The following TRIO variants were observed in gnomAD, a reference collection of about 807,000 sequenced individuals.
TRIO encodes triple functional domain protein.
TRIO carries 58 observed loss-of-function variants against 351.9 expected under a neutral mutation model. The ratio of observed to expected loss-of-function variants is 0.16; its 90% CI spans 0.13 to 0.21. The LOEUF (loss-of-function observed/expected upper bound fraction) is 0.21. TRIO is among the 10% of genes least tolerant of loss of function. The pLI is 1.00. For synonymous variants in TRIO, 1,758 were observed against 1,595.7 expected, an observed-to-expected ratio of 1.10 and a Z score of -2.42; for missense variants, 3,201 against 4,027.8, an observed-to-expected ratio of 0.79 and a Z score of 5.56.
rs370994987 is a variant in TRIO at position 14,303,152 on chromosome 5, A to G, written c.1369-1309A>G. Among the ~76,000 whole-genome samples, 7 of 141,480 alleles carry G rather than the reference A, an allele frequency of 4.9e-5. No individual in the cohort carries two copies. In the East Asian group the frequency reaches 8.4e-4, roughly 17 times the overall value. 92.8% of individuals were successfully genotyped at this position (141,480 alleles called of 152,430 possible). On this transcript the variant is annotated intron_variant, in intron 7 of 56. Transcript: ENST00000344204. ...TGGAGATGGGGGGTGTCAGTGGAGGAGATTGAGCCAGGGTTGGGATGGCTG... is the reference window on the plus strand; with the variant it reads ...TGGAGATGGGGGGTGTCAGTGGAGGGGATTGAGCCAGGGTTGGGATGGCTG...
intron 2 of TRIO, 31 bp downstream of exon 2, chr5:14,270,930 C>T: frequency 6.6e-7 from 1 of 1,504,352 alleles, no homozygotes. Context: ...CTGCTCTATC[C>T]AACTGCTCTG....
chr5:14,455,553 C>T lies in TRIO; in HGVS notation c.5204-5466C>T, dbSNP rs552744205. On this transcript the variant is annotated intron_variant, in intron 34 of 56. Coordinates refer to ENST00000344204, the MANE Select transcript of TRIO (RefSeq NM_007118.4). Reference sequence around the variant, plus strand: ...AATCCTTTAGCTAGACATAAAAGTTCTCCAAGGCCCCACTAGATTAGCTAG... The same window carrying T: ...AATCCTTTAGCTAGACATAAAAGTTTTCCAAGGCCCCACTAGATTAGCTAG... Among the ~76,000 whole-genome samples, 56 of 149,196 alleles carry T rather than the reference C, an allele frequency of 3.8e-4. 1 individual carries two copies. Among genetic ancestry groups the T allele is most frequent in the Admixed American group, 2.5e-3 (37 of 15,096 alleles).
At chr5:14,251,774 G>T (rs1025341873) in intron 1 of TRIO, among the ~76,000 whole-genome samples, 3 of 152,182 alleles carry the variant, frequency 2.0e-5, no homozygotes, top group Non-Finnish European at 4.4e-5. Context: ...GAGGATGGGG[G>T]TGGCCTAAGT....
intron 34 of TRIO, among the ~76,000 whole-genome samples, chr5:14,430,886 A>G (rs1047953451): frequency 2.6e-5 from 4 of 151,794 alleles, no homozygotes; most frequent in Non-Finnish European, 5.9e-5. Flanking sequence ...TAATTTTTAT[A>G]TTTTAAATGG....
chr5:14,461,548 C>T (rs1328426638), intron 35 of TRIO, among the ~76,000 whole-genome samples: 3 of 152,186 alleles, frequency 2.0e-5, no homozygotes, highest in Non-Finnish European at 4.4e-5. Context: ...AACAAACAAA[C>T]AAACAAAACA....
chr5:14,216,171 A>C (rs1792208263), intron 1 of TRIO, among the ~76,000 whole-genome samples: 1 of 152,186 alleles, frequency 6.6e-6, no homozygotes, highest in African/African-American at 2.4e-5. Context: ...TGATAGTAGC[A>C]AGCCTGCACA....
intron 1 of TRIO, among the ~76,000 whole-genome samples, chr5:14,168,929 A>G (rs1788936668): frequency 1.3e-5 from 2 of 152,234 alleles, no homozygotes; most frequent in South Asian, 4.1e-4. Context: ...GTCTTTGTCC[A>G]CGGGTTGGGA....
rs572334696 is a variant in TRIO, at chr5:14,430,212, A to C, written c.5203+10191A>C. ...TTTTTTTTTTAATTTTTTTACCCAA[A>C]TAGCAAAAAAAAAAAAAAAAAAATT... On this transcript the variant is annotated intron_variant, in intron 34 of 56. Transcript: ENST00000344204. Among the ~76,000 whole-genome samples, 9 of 107,196 alleles carry C rather than the reference A, an allele frequency of 8.4e-5. No individual in the cohort carries two copies. The South Asian group carries it at 1.3e-3, about 15-fold the overall frequency. 70.3% of individuals were successfully genotyped at this position (107,196 alleles called of 152,430 possible).
chr5:14,397,294 C>A, intron 29 of TRIO, 140 bp downstream of exon 29: 1 of 672,542 alleles, frequency 1.5e-6, no homozygotes, highest in Non-Finnish European at 2.5e-6. Flanking sequence ...GAATCAGTGT[C>A]ATTGCTTTTC....
chr5:14,148,765 G>A (rs545120081), intron 1 of TRIO, among the ~76,000 whole-genome samples: 2 of 152,316 alleles, frequency 1.3e-5, no homozygotes, highest in Admixed American at 6.5e-5. Context: ...ACTCAGCTGC[G>A]TAGACTTGGC....
At chr5:14,238,345 C>T (rs1793909316) in intron 1 of TRIO, among the ~76,000 whole-genome samples, 1 of 152,196 alleles carries the variant, frequency 6.6e-6, no homozygotes, top group Non-Finnish European at 1.5e-5. Flanking sequence ...TATTTTAAAA[C>T]ATTTATACTG....
chr5:14,434,810 A>G (rs550814586), intron 34 of TRIO, among the ~76,000 whole-genome samples: 3 of 152,382 alleles, frequency 2.0e-5, no homozygotes, highest in African/African-American at 7.2e-5. Context: ...CACCGACTTA[A>G]TAATTTCCCC....
intron 53 of TRIO, among the ~76,000 whole-genome samples, chr5:14,501,914 C>T (rs1757321435): frequency 2.6e-5 from 4 of 152,178 alleles, no homozygotes; most frequent in Admixed American, 6.5e-5. Context: ...CGTGGGGCTC[C>T]CCCACTTAGT....
rs777659367 is a variant in TRIO at position 14,497,255 on chromosome 5, T to C, written c.8019+238T>C. 6.6e-6 allele frequency among the ~76,000 whole-genome samples: 1 copy of C among 152,206 alleles called. No individual in the cohort carries two copies. Among genetic ancestry groups the C allele is most frequent in the Non-Finnish European group, 1.5e-5 (1 of 68,036 alleles). On this transcript the variant is annotated intron_variant, in intron 50 of 56. Coordinates refer to ENST00000344204, the MANE Select transcript of TRIO (RefSeq NM_007118.4). This position sits in a 1 kb window ranked among gnomAD's most constrained non-coding sequence, Gnocchi z 4.4. Reference sequence around the variant, plus strand: ...CTGCACACTTCCGCAGGTGCACATGTGGCTTCTAAAGAATATGGTTAGGTT... The same window carrying C: ...CTGCACACTTCCGCAGGTGCACATGCGGCTTCTAAAGAATATGGTTAGGTT...
intron 19 of TRIO, among the ~76,000 whole-genome samples, chr5:14,375,145 C>G (rs1313403814): frequency 2.6e-5 from 4 of 152,208 alleles, no homozygotes; most frequent in Non-Finnish European, 4.4e-5. Context: ...TGTTACACCA[C>G]TATAATTCTC....
intron 1 of TRIO, among the ~76,000 whole-genome samples, chr5:14,220,090 A>G (rs1792511081): frequency 6.7e-6 from 1 of 148,818 alleles, no homozygotes; most frequent in Non-Finnish European, 1.5e-5. Context: ...GTTTCTGGCA[A>G]CCCTGTGTTG....
intron 48 of TRIO, among the ~76,000 whole-genome samples, chr5:14,491,080 TGTTTTTAA>T (rs1756448828): frequency 7.1e-6 from 1 of 141,274 alleles, no homozygotes; most frequent in African/African-American, 2.9e-5. Context: ...AGCACCGCCA[TGTTTTTAA>T]GTATGCACCA....
At chr5:14,313,291 T>C (rs1197472370) in intron 8 of TRIO, among the ~76,000 whole-genome samples, 1 of 152,242 alleles carries the variant, frequency 6.6e-6, no homozygotes, top group East Asian at 1.9e-4. Context: ...GTGTATTGAC[T>C]TTCTCAGCAG....
At chr5:14,282,651 C>A (rs1172490981) in intron 3 of TRIO, among the ~76,000 whole-genome samples, 1 of 152,144 alleles carries the variant, frequency 6.6e-6, no homozygotes, top group Non-Finnish European at 1.5e-5. Context: ...ATACCCTTCA[C>A]CCAGCTTCAG....
Sources: gnomAD v4.1 joint callset for allele counts (sites outside exome capture counted in the v4.1 genomes callset) on GRCh38, gnomAD v4.1.1 for gene constraint, Gnocchi (gnomAD v3.1) non-coding constraint, MANE v1.5 for transcripts, NCBI Gene and HGNC (gene_info 2026-07-23, HGNC 2026-07-21) for gene names.